The following TCF20 variants were observed in gnomAD, a reference collection of about 807,000 sequenced individuals.
TCF20 encodes SPRE-binding protein.
A neutral mutation model predicts 148.6 loss-of-function variants in TCF20; 3 were observed. The ratio of observed to expected loss-of-function variants is 0.02; its 90% CI spans 0.01 to 0.05. The LOEUF (loss-of-function observed/expected upper bound fraction) is 0.05. Among genes scored for constraint, TCF20 ranks in the 10% least tolerant of loss-of-function variants. The pLI is 1.00. For missense variants in TCF20, 2,350 were observed against 2,429.3 expected, an observed-to-expected ratio of 0.97 and a Z score of 0.69; for synonymous variants, 1,049 against 909.5, an observed-to-expected ratio of 1.15 and a Z score of -2.76.
intron 5 of TCF20, among the ~76,000 whole-genome samples, chr22:42,162,964 T>C (rs1219557706): frequency 2.0e-5 from 3 of 152,162 alleles, no homozygotes; most frequent in Non-Finnish European, 2.9e-5. Context: ...GCCCTGGGAA[T>C]GCAGGCCAGC....
chr22:42,284,619 G>A (rs1180842790), upstream of TCF20, among the ~76,000 whole-genome samples: 1 of 152,216 alleles, frequency 6.6e-6, no homozygotes, highest in East Asian at 1.9e-4. Context: ...AGTGAGCCCT[G>A]GCTGCCCCCT....
intron 3 of TCF20, among the ~76,000 whole-genome samples, chr22:42,177,068 T>C (rs915652178): frequency 1.3e-5 from 2 of 152,152 alleles, no homozygotes; most frequent in African/African-American, 2.4e-5. Flanking sequence ...TCATTTTATA[T>C]ATATATTGAA....
intron 1 of TCF20, among the ~76,000 whole-genome samples, chr22:42,303,962 C>T (rs1185376226): frequency 6.6e-6 from 1 of 151,854 alleles, no homozygotes; most frequent in South Asian, 2.1e-4. Context: ...GAAGAGGGGC[C>T]ACTCTCTCCC....
intron 1 of TCF20, among the ~76,000 whole-genome samples, chr22:42,306,078 G>T (rs1927426639): frequency 6.6e-6 from 1 of 152,366 alleles, no homozygotes; most frequent in South Asian, 2.1e-4. Flanking sequence ...TCCTGCCTCT[G>T]CGAGGGGGCA....
chr22:42,169,348 G>A (rs146015588), intron 4 of TCF20, among the ~76,000 whole-genome samples: 255 of 152,046 alleles, frequency 1.7e-3, no homozygotes, highest in African/African-American at 5.7e-3. Context: ...ACTGGGAAGT[G>A]GAGCCCGAGA....
intron 1 of TCF20, among the ~76,000 whole-genome samples, chr22:42,245,016 G>C (rs1924787268): frequency 6.6e-6 from 1 of 152,000 alleles, no homozygotes; most frequent in Non-Finnish European, 1.5e-5. Context: ...CTGGGAGGCG[G>C]AGATTGCAGT....
At chr22:42,221,022 C>T (rs895738635) in intron 1 of TCF20, among the ~76,000 whole-genome samples, 3 of 152,210 alleles carry the variant, frequency 2.0e-5, no homozygotes, top group African/African-American at 7.2e-5. Flanking sequence ...GTTGTCAACT[C>T]AGCATCGTGA....
intron 5 of TCF20, 100 bp downstream of exon 5, chr22:42,168,509 G>A: frequency 6.8e-7 from 1 of 1,472,858 alleles, no homozygotes; most frequent in East Asian, 2.5e-5. Flanking sequence ...TCCACAGGAT[G>A]AAATGCTGGT....
At chr22:42,179,545 A>T in intron 3 of TCF20, 64 bp downstream of exon 3, 6 of 1,011,422 alleles carry the variant, frequency 5.9e-6, no homozygotes, top group Non-Finnish European at 7.3e-6. Context: ...GACAACAGAG[A>T]GAATCAAACT....
chr22:42,197,115 G>A (rs1273359321), intron 2 of TCF20, among the ~76,000 whole-genome samples: 3 of 152,126 alleles, frequency 2.0e-5, no homozygotes, highest in Admixed American at 6.5e-5. Context: ...TTAGAGACAG[G>A]AGGGTTATCT....
chr22:42,261,901 G>C (rs968474376), intron 1 of TCF20, among the ~76,000 whole-genome samples: 1 of 152,220 alleles, frequency 6.6e-6, no homozygotes, highest in Non-Finnish European at 1.5e-5. Flanking sequence ...TGAGGCAGGA[G>C]AATCACTTGA....
At chr22:42,166,236 G>C (rs1357875274) in intron 5 of TCF20, among the ~76,000 whole-genome samples, 1 of 152,214 alleles carries the variant, frequency 6.6e-6, no homozygotes, top group Non-Finnish European at 1.5e-5. Flanking sequence ...AACCTCAATG[G>C]ACCTGAGACG....
intron 1 of TCF20, chr22:42,277,197 C>T (rs1926799388): frequency 6.6e-6 from 1 of 152,348 alleles, no homozygotes; most frequent in Non-Finnish European, 1.5e-5. Context: ...ATTATATCCT[C>T]TTTCAAGTCT....
rs996428029 is a variant in TCF20, at chr22:42,309,086, G to A, written c.-37+34393C>T. On this transcript the variant is annotated intron_variant, in intron 1 of 1. Coordinates refer to the TCF20 transcript ENST00000515426. Reference sequence around the variant, plus strand: ...GAGGCTGAGAGAAGCATGGCCGGCCGGCCACAGAGAGGCTGGCCTGGAAGG... The same window carrying A: ...GAGGCTGAGAGAAGCATGGCCGGCCAGCCACAGAGAGGCTGGCCTGGAAGG... Among the ~76,000 whole-genome samples, 7 of 152,232 alleles carry A rather than the reference G, an allele frequency of 4.6e-5. No individual in the cohort carries two copies. In the East Asian group the frequency reaches 5.8e-4, roughly 13 times the overall value.
intron 1 of TCF20, among the ~76,000 whole-genome samples, chr22:42,220,892 A>G (rs565554791): frequency 1.3e-5 from 2 of 152,308 alleles, no homozygotes; most frequent in South Asian, 4.2e-4. Context: ...TCTGCCCTTC[A>G]GGTCTAGAAG....
In TCF20 at chr22:42,292,684, A is replaced by G. The variant is rs1428119897; in HGVS notation, c.-37+50795T>C. Among the ~76,000 whole-genome samples the G allele has an allele frequency of 6.6e-6, 1 of 151,980 alleles. No homozygotes were observed. The highest frequency in any genetic ancestry group is 1.5e-5 in the Non-Finnish European group (1 of 68,000). On this transcript the variant is annotated intron_variant, in intron 1 of 1. Coordinates refer to the TCF20 transcript ENST00000515426. The surrounding 1 kb of genome is among the most constrained non-coding windows in gnomAD (Gnocchi z 4.9). Reference sequence around the variant, plus strand: ...ACAAGGAGGCCTGTTTGAGCTGCAAAGCAGCACACACCTGGGACACAGGAC... The same window carrying G: ...ACAAGGAGGCCTGTTTGAGCTGCAAGGCAGCACACACCTGGGACACAGGAC...
rs1215707187 is a variant in TCF20 at position 42,210,210 on chromosome 22, A to G, written c.5096T>C (p.Val1699Ala). Residue 1699 changes from valine to alanine, a missense_variant, in exon 2 of 6, where the codon GTT becomes GCT. Physicochemically the swap from Val to Ala is moderately conservative, Grantham distance 64 (BLOSUM62 0). Coordinates refer to ENST00000677622, the MANE Select transcript of TCF20 (RefSeq NM_001378418.1). The surrounding 1 kb of genome is among the most constrained non-coding windows in gnomAD (Gnocchi z 4.7). ...LQGPVVTESS[V>A]MGHLVCCLCG... is the part of the protein sequence containing the mutation. ...CAGACAGCAAACCAGGTGCCCCATAACCGAAGACTCTGTCACAACAGGTCC... is the reference window on the plus strand; with the variant it reads ...CAGACAGCAAACCAGGTGCCCCATAGCCGAAGACTCTGTCACAACAGGTCC... 7 of 1,613,988 alleles carry G rather than the reference A, an allele frequency of 4.3e-6. No individual in the cohort carries two copies. The highest frequency in any genetic ancestry group is 5.9e-6 in the Non-Finnish European group (7 of 1,180,020).
chr22:42,299,869 A>C lies in TCF20; in HGVS notation c.-37+43610T>G, dbSNP rs576781509. Reference sequence around the variant, plus strand: ...GCGGAGGGGAGGAGGGAGGAGGGAAAAGACAGAAAGGGGTAGAAGGGAAGC... The same window carrying C: ...GCGGAGGGGAGGAGGGAGGAGGGAACAGACAGAAAGGGGTAGAAGGGAAGC... On this transcript the variant is annotated intron_variant, in intron 1 of 1. Transcript: ENST00000515426. The surrounding 1 kb of genome is among the most constrained non-coding windows in gnomAD (Gnocchi z 4.1). 2.0e-5 allele frequency among the ~76,000 whole-genome samples: 3 copies of C among 149,282 alleles called. No homozygotes were observed. The highest frequency in any genetic ancestry group is 7.4e-5 in the African/African-American group (3 of 40,678).
intron 1 of TCF20, among the ~76,000 whole-genome samples, chr22:42,341,791 A>G: frequency 6.6e-6 from 1 of 151,972 alleles, no homozygotes; most frequent in Non-Finnish European, 1.5e-5. Flanking sequence ...GGGGGGGGCA[A>G]GATGGAAGCG....
Sources: gnomAD v4.1 joint callset for allele counts (sites outside exome capture counted in the v4.1 genomes callset) on GRCh38, gnomAD v4.1.1 for gene constraint, Gnocchi (gnomAD v3.1) non-coding constraint, MANE v1.5 for transcripts, NCBI Gene and HGNC (gene_info 2026-07-23, HGNC 2026-07-21) for gene names.